The following LRP1B variants were observed in gnomAD, a reference collection of about 807,000 sequenced individuals.
LRP1B encodes low-density lipoprotein receptor-related protein 1B.
Under a neutral mutation model 556.6 loss-of-function variants are expected in LRP1B, and 217 were observed. The observed-to-expected ratio is 0.39, with a 90% CI of 0.35 to 0.44. The LOEUF is 0.44. Among genes scored for constraint, LRP1B ranks in the 20% least tolerant of loss-of-function variants. The probability of loss-of-function intolerance (pLI) is 1.00; values close to 1 mark genes in which losing one functional copy is unlikely to be tolerated. For missense variants in LRP1B, 5,053 were observed against 5,620.8 expected (o/e 0.90, Z 3.23); for synonymous variants, 2,047 against 1,865.8 (o/e 1.10, Z -2.50).
intron 2 of LRP1B, among the ~76,000 whole-genome samples, chr2:141,599,876 T>C (rs1200053248): frequency 6.6e-6 from 1 of 152,166 alleles, no homozygotes; most frequent in Non-Finnish European, 1.5e-5. Flanking sequence ...ACACTGTCTC[T>C]GTTCTATCTA....
intron 1 of LRP1B, among the ~76,000 whole-genome samples, chr2:141,894,930 C>A (rs1007080960): frequency 2.6e-5 from 4 of 151,452 alleles, no homozygotes; most frequent in African/African-American, 9.7e-5. Context: ...TGCCTGTAAT[C>A]CCAGCTACTT....
rs190407507 is a variant in LRP1B at position 141,742,790 on chromosome 2, A to G, written c.205+67489T>C. ...CTTTTTGGTGTCCTCTTCAGTTTCT[A>G]GAATGATATTTGATAGTTTTCATTG... On this transcript the variant is annotated intron_variant, in intron 2 of 90. Coordinates refer to ENST00000389484, the MANE Select transcript of LRP1B (RefSeq NM_018557.3). 3.5e-3 allele frequency among the ~76,000 whole-genome samples: 539 copies of G among 152,262 alleles called. 2 individuals are homozygous for G. The highest frequency in any genetic ancestry group is 0.012 in the African/African-American group (504 of 41,566).
intron 2 of LRP1B, among the ~76,000 whole-genome samples, chr2:141,614,643 G>C (rs1045383352): frequency 1.3e-5 from 2 of 151,708 alleles, no homozygotes; most frequent in Non-Finnish European, 2.9e-5. Flanking sequence ...GTGTAGACCG[G>C]GACAGAAATT....
rs563037528 is a variant in LRP1B, at chr2:140,368,286, C to T, written c.11008+2424G>A. Among the ~76,000 whole-genome samples the T allele has an allele frequency of 3.3e-5, 5 of 151,876 alleles. No individual in the cohort carries two copies. In the South Asian group the frequency reaches 6.2e-4, roughly 19 times the overall value. On this transcript the variant is annotated intron_variant, in intron 71 of 90. Transcript: ENST00000389484. ...TATATATGAATTAACAATAATACAT[C>T]TAAATTATAACAGAGACCTTGGAAA...
chr2:140,725,395 G>C (rs1687557426), intron 35 of LRP1B, among the ~76,000 whole-genome samples: 1 of 151,380 alleles, frequency 6.6e-6, no homozygotes, highest in Non-Finnish European at 1.5e-5. Context: ...ATATAAACAT[G>C]AAATACAAAC....
At chr2:141,443,004 G>A (rs117714039) in intron 3 of LRP1B, among the ~76,000 whole-genome samples, 3 of 151,996 alleles carry the variant, frequency 2.0e-5, no homozygotes, top group Non-Finnish European at 2.9e-5. Flanking sequence ...GAATTGACAC[G>A]CTGTCTCTTC....
At chr2:140,839,670 G>A (rs1692036603) in intron 31 of LRP1B, among the ~76,000 whole-genome samples, 1 of 152,170 alleles carries the variant, frequency 6.6e-6, no homozygotes, top group African/African-American at 2.4e-5. Flanking sequence ...CTACTTTTGA[G>A]GTTTTAGGAC....
intron 1 of LRP1B, among the ~76,000 whole-genome samples, chr2:141,992,963 G>A (rs1299999870): frequency 7.9e-5 from 12 of 152,032 alleles, no homozygotes; most frequent in Admixed American, 5.9e-4. Context: ...GGCATTGCTG[G>A]GTGGCTGAAT....
chr2:140,688,211 T>A (rs1014934951), intron 41 of LRP1B, among the ~76,000 whole-genome samples: 2 of 152,034 alleles, frequency 1.3e-5, no homozygotes, highest in Non-Finnish European at 2.9e-5. Context: ...GACACACTTG[T>A]GAGAAAAAAA....
rs1681056338 is a variant in LRP1B, at chr2:140,335,726, G to T, written c.12005C>A (p.Thr4002Asn). The change falls in exon 78 of 91, where the codon ACC becomes AAC. Residue 4002 changes from threonine (T) to asparagine (N), a missense_variant. Thr to Asn is a moderately conservative substitution (Grantham distance 65, BLOSUM62 0). This residue lies in a region of LRP1B where 599 missense variants were observed against 648.4 expected (regional missense o/e 0.92). Coordinates refer to ENST00000389484, the MANE Select transcript of LRP1B (RefSeq NM_018557.3). ...HWFSYYTTHW[T>N]SLRYSINVGQ... Reference sequence around the variant, plus strand: ...TACGTTGATAGAGTACCTCAGACTGGTCCAGTGAGTAGTGTAGTAACTGAA... The same window carrying T: ...TACGTTGATAGAGTACCTCAGACTGTTCCAGTGAGTAGTGTAGTAACTGAA... 6.2e-7 allele frequency: 1 copy of T among 1,611,848 alleles called. No individual in the cohort carries two copies. Among genetic ancestry groups the T allele is most frequent in the Admixed American group, 1.7e-5 (1 of 59,860 alleles).
chr2:140,879,380 T>C (rs1319112339), intron 25 of LRP1B, among the ~76,000 whole-genome samples: 1 of 152,168 alleles, frequency 6.6e-6, no homozygotes, highest in Non-Finnish European at 1.5e-5. Flanking sequence ...AAATAAGTGA[T>C]CCCTTCATTT....
chr2:140,450,567 C>G lies in LRP1B; in HGVS notation c.10057+1G>C. On this transcript the variant is annotated splice_donor_variant, in intron 63 of 90. Transcript: ENST00000389484. LOFTEE classifies it high-confidence loss of function. The stretch of plus-strand genomic sequence containing the variant: ...ATTTCAATATTTGCCAGTATACTCA[C>G]GACAGTCATCAGGTTCATCAGATCC... 1 of 1,602,966 alleles carries G rather than the reference C, an allele frequency of 6.2e-7. No individual in the cohort carries two copies. The highest frequency in any genetic ancestry group is 8.5e-7 in the Non-Finnish European group (1 of 1,170,770).
chr2:140,904,558 TG>T (rs1232821182), intron 22 of LRP1B, among the ~76,000 whole-genome samples: 2 of 152,136 alleles, frequency 1.3e-5, no homozygotes, highest in Non-Finnish European at 1.5e-5. Flanking sequence ...AAGCTTTATA[TG>T]GGTCAACTCT....
At chr2:140,967,608 G>A (rs910831353) in intron 18 of LRP1B, among the ~76,000 whole-genome samples, 3 of 151,782 alleles carry the variant, frequency 2.0e-5, no homozygotes, top group East Asian at 2.0e-4. Context: ...GGGCATCCCT[G>A]TCTTGTGCCA....
intron 20 of LRP1B, among the ~76,000 whole-genome samples, chr2:140,924,749 A>T (rs1330383411): frequency 6.6e-6 from 1 of 152,152 alleles, no homozygotes; most frequent in Non-Finnish European, 1.5e-5. Context: ...TATCTAATTC[A>T]TTCTCACTTT....
chr2:141,342,274 A>AAAT (rs59565207), intron 3 of LRP1B, among the ~76,000 whole-genome samples: 229 of 142,078 alleles, frequency 1.6e-3, no homozygotes, highest in African/African-American at 5.6e-3. Flanking sequence ...AAATAAAAAT[A>AAAT]AAATAAATAA....
intron 7 of LRP1B, among the ~76,000 whole-genome samples, chr2:141,138,356 C>A (rs76953591): frequency 0.081 from 12,254 of 151,952 alleles, 555 homozygotes; most frequent in South Asian, 0.18. Context: ...AGAACAGGAA[C>A]AAGACAAGAC....
At chr2:141,572,953 C>T (rs952557455) in intron 2 of LRP1B, among the ~76,000 whole-genome samples, 2 of 152,124 alleles carry the variant, frequency 1.3e-5, no homozygotes, top group African/African-American at 4.8e-5. Flanking sequence ...ATTCATAAAA[C>T]AAGTTCTTAG....
chr2:140,381,125 A>G (rs1308908494), intron 67 of LRP1B, among the ~76,000 whole-genome samples: 1 of 152,124 alleles, frequency 6.6e-6, no homozygotes, highest in Non-Finnish European at 1.5e-5. Context: ...TTGCCACTAG[A>G]TAGCTCAAAA....
Sources: gnomAD v4.1 joint callset for allele counts (sites outside exome capture counted in the v4.1 genomes callset) on GRCh38, gnomAD v4.1.1 for gene constraint, gnomAD v4.1.1 regional missense constraint, MANE v1.5 for transcripts, NCBI Gene and HGNC (gene_info 2026-07-23, HGNC 2026-07-21) for gene names.